Variants in RBFOX1 observed in about 807,000 individuals in gnomAD.
The protein encoded by RBFOX1 is RNA binding protein fox-1 homolog 1.
In RBFOX1, 8 loss-of-function variants were observed where a neutral mutation model predicts 57.7. That is an observed-to-expected ratio of 0.14 (90% CI 0.08 to 0.25). The LOEUF is 0.25. Ranked by LOEUF, RBFOX1 falls within the 10% of genes least tolerant of loss-of-function variation. The pLI is 1.00. For missense variants in RBFOX1, 611 were observed against 548.5 expected, an observed-to-expected ratio of 1.11 and a Z score of -1.14; for synonymous variants, 326 against 222.4, an observed-to-expected ratio of 1.47 and a Z score of -4.15.
chr16:6,351,373 T>TATATATATA (rs61442398), intron 2 of RBFOX1, among the ~76,000 whole-genome samples: 13 of 100,816 alleles, frequency 1.3e-4, no homozygotes, highest in East Asian at 7.4e-4. Flanking sequence ...TATATATATA[T>TATATATATA]TTTTTTTTTT....
intron 7 of RBFOX1, among the ~76,000 whole-genome samples, chr16:7,587,648 T>C (rs566077941): frequency 1.3e-5 from 2 of 152,348 alleles, no homozygotes; most frequent in South Asian, 2.1e-4. Flanking sequence ...CAGGTAAATA[T>C]GTGATTATTC....
chr16:6,559,915 T>C (rs1170131730), intron 2 of RBFOX1, among the ~76,000 whole-genome samples: 1 of 152,120 alleles, frequency 6.6e-6, no homozygotes. Flanking sequence ...TGAGTTCTCA[T>C]TAATTGAACT....
At chr16:7,061,354 G>A (rs1330894869) in intron 4 of RBFOX1, among the ~76,000 whole-genome samples, 8 of 152,122 alleles carry the variant, frequency 5.3e-5, no homozygotes, top group African/African-American at 1.2e-4. Context: ...ATTGATGAAC[G>A]CAAGGAAATC....
rs760159651 is a variant in RBFOX1 at position 7,595,602 on chromosome 16, G to T, written c.522G>T (p.Glu174Asp). 6.4e-7 allele frequency: 1 copy of T among 1,574,562 alleles called. No homozygotes were observed. Among genetic ancestry groups the T allele is most frequent in the African/African-American group, 1.4e-5 (1 of 73,826 alleles). ...GTGCCGATGCGGACAGGGCGAGGGA[G>T]AAATTACACGGCACCGTGGTAGAGG... ...ENSADADRAR[E>D]KLHGTVVEGR... The change falls in exon 8 of 16, where the codon GAG becomes GAT. Residue 174 changes from glutamate (E) to aspartate (D), a missense_variant. Physicochemically the swap from Glu to Asp is conservative, Grantham distance 45. Transcript: ENST00000550418.
At chr16:6,928,304 C>T (rs535006980) in intron 3 of RBFOX1, among the ~76,000 whole-genome samples, 33 of 152,184 alleles carry the variant, frequency 2.2e-4, no homozygotes, top group African/African-American at 7.5e-4. Context: ...ACCATCAGAT[C>T]AGGGACAAAG....
chr16:7,135,904 C>T (rs2071803033), intron 4 of RBFOX1, among the ~76,000 whole-genome samples: 1 of 152,212 alleles, frequency 6.6e-6, no homozygotes, highest in African/African-American at 2.4e-5. Context: ...GCATCTGGCA[C>T]ACAGGTTCAT....
At chr16:5,444,723 G>C (rs1238367425) in intron 1 of RBFOX1, among the ~76,000 whole-genome samples, 1 of 152,132 alleles carries the variant, frequency 6.6e-6, no homozygotes, top group South Asian at 2.1e-4. Flanking sequence ...GAAGAGAACA[G>C]TCACCATGCA....
intron 1 of RBFOX1, among the ~76,000 whole-genome samples, chr16:6,254,256 A>G (rs568735761): frequency 6.6e-6 from 1 of 152,314 alleles, no homozygotes; most frequent in East Asian, 1.9e-4. Context: ...TGTGAACTAA[A>G]CAGATGTATT....
chr16:7,055,483 C>G (rs1364764415), intron 4 of RBFOX1, among the ~76,000 whole-genome samples: 3 of 152,162 alleles, frequency 2.0e-5, no homozygotes, highest in Non-Finnish European at 4.4e-5. Flanking sequence ...TCCAAGATGT[C>G]TGCCATCTAC....
intron 3 of RBFOX1, among the ~76,000 whole-genome samples, chr16:5,824,939 C>CT (rs2055983056): frequency 1.3e-5 from 2 of 152,194 alleles, no homozygotes; most frequent in African/African-American, 4.8e-5. Flanking sequence ...TGAGTGGGCT[C>CT]TGTCCATCTG....
chr16:6,351,670 G>A (rs1044893054), intron 2 of RBFOX1, among the ~76,000 whole-genome samples: 12 of 151,898 alleles, frequency 7.9e-5, no homozygotes, highest in Non-Finnish European at 1.6e-4. Flanking sequence ...CACCGCTCCC[G>A]GCCTAAGGGA....
intron 4 of RBFOX1, among the ~76,000 whole-genome samples, chr16:7,223,108 G>A (rs183590658): frequency 5.6e-4 from 86 of 152,334 alleles, no homozygotes; most frequent in Middle Eastern, 3.4e-3. Flanking sequence ...CAACTGAGGT[G>A]AATAAAGGTA....
intron 4 of RBFOX1, among the ~76,000 whole-genome samples, chr16:7,097,584 C>T (rs150191707): frequency 3.9e-5 from 6 of 152,168 alleles, no homozygotes; most frequent in African/African-American, 1.4e-4. Flanking sequence ...CTCAAATAAT[C>T]AAATTCCATC....
chr16:7,422,220 A>C (rs538661659), intron 4 of RBFOX1, among the ~76,000 whole-genome samples: 1 of 152,198 alleles, frequency 6.6e-6, no homozygotes, highest in East Asian at 1.9e-4. Flanking sequence ...TGCCTCTCCC[A>C]CCAGTAGGCT....
At chr16:7,426,781 C>G (rs569126334) in intron 4 of RBFOX1, among the ~76,000 whole-genome samples, 4 of 152,268 alleles carry the variant, frequency 2.6e-5, no homozygotes, top group Admixed American at 6.5e-5. Context: ...AGACAGGAGA[C>G]TACACCTACA....
chr16:7,219,852 G>C (rs1345780213), intron 4 of RBFOX1, among the ~76,000 whole-genome samples: 1 of 152,306 alleles, frequency 6.6e-6, no homozygotes, highest in African/African-American at 2.4e-5. Context: ...GTTTCTGAGA[G>C]TGAGTGTATT....
intron 3 of RBFOX1, among the ~76,000 whole-genome samples, chr16:5,784,603 G>C (rs914497609): frequency 2.6e-5 from 4 of 152,060 alleles, no homozygotes; most frequent in African/African-American, 4.8e-5. Context: ...CCCATGATTC[G>C]CTCACCTCCC....
At chr16:7,002,434 G>T (rs781450918) in intron 3 of RBFOX1, among the ~76,000 whole-genome samples, 1 of 152,142 alleles carries the variant, frequency 6.6e-6, no homozygotes, top group East Asian at 1.9e-4. Flanking sequence ...AACTATTTTC[G>T]CTGGGCGCGA....
At chr16:6,537,353 T>C (rs1163823763) in intron 2 of RBFOX1, among the ~76,000 whole-genome samples, 1 of 152,182 alleles carries the variant, frequency 6.6e-6, no homozygotes, top group Admixed American at 6.5e-5. Context: ...AGAGGAGAAA[T>C]GAAATAGCTT....
Sources: allele counts gnomAD v4.1 joint callset (sites outside exome capture counted in the v4.1 genomes callset), GRCh38; gene constraint gnomAD v4.1.1; transcripts MANE v1.5; gene names NCBI Gene and HGNC (gene_info 2026-07-23, HGNC 2026-07-21).